The following RAPGEF5 variants were observed in gnomAD, a reference collection of about 807,000 sequenced individuals.
RAPGEF5 encodes Rap guanine nucleotide exchange factor 5.
A neutral mutation model predicts 125.2 loss-of-function variants in RAPGEF5; 65 were observed. The ratio of observed to expected loss-of-function variants is 0.52; its 90% CI spans 0.43 to 0.64. The LOEUF (loss-of-function observed/expected upper bound fraction) is 0.64. RAPGEF5 is among the 30% of genes least tolerant of loss of function. RAPGEF5 has a pLI of 0.00. For missense variants in RAPGEF5, 958 were observed against 1,048.1 expected, an observed-to-expected ratio of 0.91 and a Z score of 1.19; for synonymous variants, 391 against 385.9, an observed-to-expected ratio of 1.01 and a Z score of -0.16.
At chr7:22,274,334 C>G (rs1333270116) in intron 6 of RAPGEF5, among the ~76,000 whole-genome samples, 2 of 151,976 alleles carry the variant, frequency 1.3e-5, no homozygotes, top group African/African-American at 2.4e-5. Context: ...GGTGAATTCA[C>G]TTTTTCTTTT....
intron 7 of RAPGEF5, among the ~76,000 whole-genome samples, chr7:22,234,768 G>A (rs1223065015): frequency 6.6e-6 from 1 of 151,934 alleles, no homozygotes; most frequent in Non-Finnish European, 1.5e-5. Flanking sequence ...GTTGCCTTGG[G>A]GACAAAACAG....
At position 22,316,485 on chromosome 7, in the gene RAPGEF5, ATATATTT is replaced by A. The variant is rs1211516027; in HGVS notation, c.283-1016_283-1010del. Among the ~76,000 whole-genome samples the A allele has an allele frequency of 2.5e-3, 75 of 29,550 alleles. 1 individual carries two copies. Among genetic ancestry groups the A allele is most frequent in the African/African-American group, 8.2e-3 (66 of 8,022 alleles). The allele number at this position is 29,550 out of a possible 152,430, so 19.4% of individuals were successfully genotyped here. On this transcript the variant is annotated intron_variant, in intron 2 of 25. Transcript: ENST00000665637. ...CATATATATATATATATATATATATATATATTTTTTTTTTTTTTTTTTTGAGGCAGGG... is the reference window on the plus strand; with the variant it reads ...CATATATATATATATATATATATATATTTTTTTTTTTTTTTTGAGGCAGGG...
chr7:22,318,032 T>C lies in RAPGEF5; in HGVS notation c.237A>G (p.Leu79=), dbSNP rs918556047. 1.2e-5 allele frequency: 18 copies of C among 1,538,462 alleles called. No individual in the cohort carries two copies. In the African/African-American group the frequency reaches 2.2e-4, roughly 19 times the overall value. ...GGTACGGATTAGATATTCTTCTTGA[T>C]AGAGTCTATTTTAAACAAAGAAAAA... The part of the protein sequence containing the change: ...RKRSAAGGRT[L]SRRISNPYLE... The change falls in exon 2 of 26, where the codon CTA becomes CTG. Residue 79 remains leucine, a synonymous_variant. Coordinates refer to ENST00000665637, the MANE Select transcript of RAPGEF5 (RefSeq NM_012294.5).
intron 1 of RAPGEF5, among the ~76,000 whole-genome samples, chr7:22,329,882 C>T (rs1330126521): frequency 5.3e-5 from 8 of 152,138 alleles, no homozygotes; most frequent in African/African-American, 1.9e-4. Context: ...TCTGTCTCCA[C>T]TAACTGCTCC....
At chr7:22,162,874 A>G in intron 12 of RAPGEF5, 1 of 469,396 alleles carries the variant, frequency 2.1e-6, no homozygotes, top group Non-Finnish European at 4.2e-6. Flanking sequence ...CTCTAAGAAG[A>G]GAGCTAGCCT....
intron 5 of RAPGEF5, among the ~76,000 whole-genome samples, chr7:22,295,915 T>C (rs1175583836): frequency 6.6e-6 from 1 of 151,758 alleles, no homozygotes; most frequent in East Asian, 1.9e-4. Context: ...GGCCAGAGAG[T>C]GTGAATCCAT....
intron 11 of RAPGEF5, among the ~76,000 whole-genome samples, chr7:22,168,396 C>T (rs1469179997): frequency 6.6e-6 from 1 of 152,216 alleles, no homozygotes; most frequent in African/African-American, 2.4e-5. Flanking sequence ...CTTGGACTCC[C>T]CAGCCTCCAG....
At chr7:22,127,087 G>A (rs373153365) in intron 24 of RAPGEF5, among the ~76,000 whole-genome samples, 3 of 136,888 alleles carry the variant, frequency 2.2e-5, no homozygotes, top group Non-Finnish European at 3.1e-5. Context: ...CACCCAGGCT[G>A]AAGTGCAATG....
intron 21 of RAPGEF5, among the ~76,000 whole-genome samples, chr7:22,137,578 C>T (rs1783117275): frequency 6.6e-6 from 1 of 152,210 alleles, no homozygotes; most frequent in African/African-American, 2.4e-5. Context: ...AATGTTCCAG[C>T]CTGCTTTTAA....
rs149865329 is a variant in RAPGEF5 at position 22,185,043 on chromosome 7, C to A, written c.1204+8324G>T. On this transcript the variant is annotated intron_variant, in intron 11 of 25. Coordinates refer to ENST00000665637, the MANE Select transcript of RAPGEF5 (RefSeq NM_012294.5). ...TCTTTGTGCTGGAGATTAGAACGCT[C>A]TTAAGTGGGTACTGAAGCACCTGAT... Among the ~76,000 whole-genome samples the A allele has an allele frequency of 7.2e-3, 1,095 of 152,270 alleles. 3 individuals carry two copies. The highest frequency in any genetic ancestry group is 0.015 in the Admixed American group (235 of 15,294).
intron 1 of RAPGEF5, among the ~76,000 whole-genome samples, chr7:22,349,660 G>C (rs1784293148): frequency 1.3e-5 from 2 of 152,164 alleles, no homozygotes; most frequent in Non-Finnish European, 2.9e-5. Context: ...TTACTGAAGA[G>C]AGTGGAAAGA....
At chr7:22,161,936 AAATC>A (rs1484363559) in intron 13 of RAPGEF5, among the ~76,000 whole-genome samples, 2 of 152,240 alleles carry the variant, frequency 1.3e-5, no homozygotes, top group African/African-American at 4.8e-5. Flanking sequence ...TAGAAAAAAT[AAATC>A]AGTTTGTCTC....
At chr7:22,350,479 A>C (rs1385437429) in intron 1 of RAPGEF5, among the ~76,000 whole-genome samples, 1 of 152,258 alleles carries the variant, frequency 6.6e-6, no homozygotes, top group East Asian at 1.9e-4. Flanking sequence ...TAACTATTTA[A>C]GTTCCAATGT....
chr7:22,235,002 C>T (rs1478980012), intron 7 of RAPGEF5, among the ~76,000 whole-genome samples: 2 of 152,162 alleles, frequency 1.3e-5, no homozygotes, highest in African/African-American at 2.4e-5. Flanking sequence ...CAATGACTGT[C>T]GTGTGCTGAC....
At position 22,150,460 on chromosome 7, in the gene RAPGEF5, G is replaced by A; in HGVS notation, c.1831C>T (p.Leu611Phe). 1.2e-6 allele frequency: 2 copies of A among 1,606,292 alleles called. No homozygotes were observed. The highest frequency in any genetic ancestry group is 1.7e-6 in the Non-Finnish European group (2 of 1,177,590). ...QPNDLVISKS[L>F]EASGRIYVYR... ...ACATATATTCGACCAGATGCCTCGA[G>A]GGATTTGGAGATGACTAAGTCATTT... is the stretch of plus-strand genomic sequence containing the variant. The change falls in exon 18 of 26, where the codon CTC becomes TTC. Residue 611 changes from leucine (L) to phenylalanine (F), a missense_variant. By Grantham distance (22) the Leu-to-Phe change is conservative. Coordinates refer to ENST00000665637, the MANE Select transcript of RAPGEF5 (RefSeq NM_012294.5).
chr7:22,165,960 C>T (rs919152396), intron 12 of RAPGEF5, among the ~76,000 whole-genome samples: 3 of 151,016 alleles, frequency 2.0e-5, no homozygotes, highest in South Asian at 2.1e-4. Flanking sequence ...GGACCACAGG[C>T]GCATGCCATC....
intron 9 of RAPGEF5, among the ~76,000 whole-genome samples, chr7:22,204,541 T>C (rs1171359144): frequency 6.6e-6 from 1 of 152,208 alleles, no homozygotes; most frequent in African/African-American, 2.4e-5. Flanking sequence ...ATGCAAGTTA[T>C]GGAATGAAAA....
chr7:22,160,747 C>A, intron 13 of RAPGEF5, 132 bp from the exon 14 acceptor site: 1 of 1,063,666 alleles, frequency 9.4e-7, no homozygotes, highest in Non-Finnish European at 1.2e-6. Flanking sequence ...CACCAGGTGC[C>A]AATGAGATCC....
At chr7:22,276,896 A>C (rs950486953) in intron 6 of RAPGEF5, among the ~76,000 whole-genome samples, 5 of 152,204 alleles carry the variant, frequency 3.3e-5, no homozygotes, top group African/African-American at 1.2e-4. Context: ...CATTATTAGA[A>C]TATAGTTGAG....
Sources: allele counts gnomAD v4.1 joint callset (sites outside exome capture counted in the v4.1 genomes callset), GRCh38; gene constraint gnomAD v4.1.1; transcripts MANE v1.5; gene names NCBI Gene and HGNC (gene_info 2026-07-23, HGNC 2026-07-21).